Variants in TFDP1 observed in about 807,000 individuals in gnomAD.
TFDP1 encodes transcription factor Dp-1.
A neutral mutation model predicts 48.0 loss-of-function variants in TFDP1; 6 were observed. The observed-to-expected ratio is 0.13, with a 90% confidence interval of 0.07 to 0.25. The LOEUF (loss-of-function observed/expected upper bound fraction) is 0.25. Among genes scored for constraint, TFDP1 ranks in the 10% least tolerant of loss-of-function variants. The pLI is 1.00. For missense variants in TFDP1, 335 were observed against 543.0 expected, an observed-to-expected ratio of 0.62 and a Z score of 3.81; for synonymous variants, 201 against 211.6, an observed-to-expected ratio of 0.95 and a Z score of 0.44.
intron 2 of TFDP1, among the ~76,000 whole-genome samples, chr13:113,599,562 TG>T (rs2048360857): frequency 6.6e-6 from 1 of 152,258 alleles, no homozygotes; most frequent in African/African-American, 2.4e-5. Flanking sequence ...TGTTGGGTGT[TG>T]GGGCCTTTGG....
At chr13:113,616,560 G>T (rs557541863) in intron 3 of TFDP1, among the ~76,000 whole-genome samples, 1 of 152,250 alleles carries the variant, frequency 6.6e-6, no homozygotes, top group Admixed American at 6.5e-5. Context: ...TATCCTCTTA[G>T]CCCAGAATGA....
chr13:113,616,483 G>A (rs554951165), intron 3 of TFDP1, among the ~76,000 whole-genome samples: 133 of 152,290 alleles, frequency 8.7e-4, no homozygotes, highest in African/African-American at 3.1e-3. Flanking sequence ...CGTCTGCGGC[G>A]CCAGGCCGGG....
Position 113,613,694 on chromosome 13 carries a change from TATGC to T in TFDP1, c.79+2633_79+2636del, listed in dbSNP as rs1486344695. Among the ~76,000 whole-genome samples the T allele has an allele frequency of 2.2e-3, 325 of 148,976 alleles. 1 individual carries two copies. The highest frequency in any genetic ancestry group is 7.7e-3 in the African/African-American group (309 of 39,932). On this transcript the variant is annotated intron_variant, in intron 3 of 11. Transcript: ENST00000375370. ...GTGTGTGTGCATGAGTGTGTGTGTGTATGCGTGAATGCGTGGGTATGTGAGGAGT... is the reference window on the plus strand; with the variant it reads ...GTGTGTGTGCATGAGTGTGTGTGTGTGTGAATGCGTGGGTATGTGAGGAGT...
intron 11 of TFDP1, 48 bp from the exon 12 acceptor site, chr13:113,640,072 T>G: frequency 7.1e-7 from 1 of 1,417,252 alleles, no homozygotes; most frequent in Non-Finnish European, 9.7e-7. Flanking sequence ...GGGGGGAGGC[T>G]GGGTGGGCCG....
At chr13:113,589,764 G>A (rs1333490269) in intron 2 of TFDP1, among the ~76,000 whole-genome samples, 1 of 152,234 alleles carries the variant, frequency 6.6e-6, no homozygotes, top group Admixed American at 6.5e-5. Flanking sequence ...AGGGGCTCAA[G>A]TTGTTCTAGA....
chr13:113,585,560 C>A, intron 1 of TFDP1: 1 of 345,402 alleles, frequency 2.9e-6, no homozygotes, highest in Non-Finnish European at 5.4e-6. Context: ...CCTGCGGGCC[C>A]GCGGGCCACT....
chr13:113,589,137 G>A (rs1260372857), intron 2 of TFDP1, among the ~76,000 whole-genome samples: 3 of 152,184 alleles, frequency 2.0e-5, no homozygotes, highest in East Asian at 1.9e-4. Context: ...GGGCCCAGCT[G>A]GAGAAATGGT....
chr13:113,621,338 C>T (rs954480763), intron 3 of TFDP1, among the ~76,000 whole-genome samples: 2 of 152,228 alleles, frequency 1.3e-5, no homozygotes, highest in Non-Finnish European at 1.5e-5. Context: ...GGGGGCTATC[C>T]GCTCAGCTCC....
At chr13:113,616,369 G>C (rs921309297) in intron 3 of TFDP1, among the ~76,000 whole-genome samples, 35 of 152,218 alleles carry the variant, frequency 2.3e-4, no homozygotes, top group East Asian at 2.1e-3. Flanking sequence ...GCTACCTTTT[G>C]TTATTTGCTG....
chr13:113,624,544 ATC>A (rs2049076142), intron 4 of TFDP1, among the ~76,000 whole-genome samples: 6 of 118,754 alleles, frequency 5.1e-5, no homozygotes, highest in Admixed American at 3.4e-4. Context: ...CTCTCAGGGT[ATC>A]TCTCACGTGT....
In TFDP1 at chr13:113,601,405, G is replaced by A. The variant is rs1212703863; in HGVS notation, c.13-9591G>A. Reference sequence around the variant, plus strand: ...GGGGTGTGTTCTTGCACTTTGCCTTGTGGGCCCCTGCGTAGGGCAGCTCGC... The same window carrying A: ...GGGGTGTGTTCTTGCACTTTGCCTTATGGGCCCCTGCGTAGGGCAGCTCGC... On this transcript the variant is annotated intron_variant, in intron 2 of 11. Transcript: ENST00000375370. Among the ~76,000 whole-genome samples, 5 of 152,356 alleles carry A rather than the reference G, an allele frequency of 3.3e-5. No individual in the cohort carries two copies. The East Asian group carries it at 9.7e-4, about 29-fold the overall frequency.
intron 9 of TFDP1, among the ~76,000 whole-genome samples, 153 bp downstream of exon 9, chr13:113,636,281 C>A (rs369856148): frequency 1.3e-5 from 2 of 152,226 alleles, no homozygotes; most frequent in African/African-American, 4.8e-5. Flanking sequence ...GGGAGGCTGC[C>A]GCCATGTGGC....
At chr13:113,622,892 C>G (rs919437550) in intron 3 of TFDP1, among the ~76,000 whole-genome samples, 2 of 152,250 alleles carry the variant, frequency 1.3e-5, no homozygotes, top group Non-Finnish European at 2.9e-5. Flanking sequence ...GGCCGTGGTC[C>G]CCACCAGCAC....
chr13:113,599,182 A>G (rs1301337023), intron 2 of TFDP1, among the ~76,000 whole-genome samples: 1 of 151,268 alleles, frequency 6.6e-6, no homozygotes, highest in Non-Finnish European at 1.5e-5. Flanking sequence ...TTTTTTTTTC[A>G]CATCAATAAA....
chr13:113,612,766 A>G (rs1331379334), intron 3 of TFDP1, among the ~76,000 whole-genome samples: 1 of 152,206 alleles, frequency 6.6e-6, no homozygotes, highest in Non-Finnish European at 1.5e-5. Context: ...AGTTTAATTG[A>G]GCTGAAGAGT....
chr13:113,592,173 G>A (rs1405118487), intron 2 of TFDP1, among the ~76,000 whole-genome samples: 3 of 152,070 alleles, frequency 2.0e-5, no homozygotes, highest in Non-Finnish European at 4.4e-5. Context: ...TGTTTGTTTC[G>A]AGACGGAGTT....
chr13:113,601,193 G>T (rs1467474433), intron 2 of TFDP1, among the ~76,000 whole-genome samples: 1 of 152,170 alleles, frequency 6.6e-6, no homozygotes, highest in Non-Finnish European at 1.5e-5. Context: ...AGCGTCTCCT[G>T]CCTGGACTTA....
At chr13:113,590,235 G>C (rs930771804) in intron 2 of TFDP1, among the ~76,000 whole-genome samples, 1 of 152,196 alleles carries the variant, frequency 6.6e-6, no homozygotes, top group Non-Finnish European at 1.5e-5. Flanking sequence ...TGTGGTGCCT[G>C]TTTGTGTCCT....
chr13:113,608,635 C>T (rs1423636250), intron 2 of TFDP1, among the ~76,000 whole-genome samples: 1 of 152,232 alleles, frequency 6.6e-6, no homozygotes, highest in African/African-American at 2.4e-5. Context: ...CTGTAACTTC[C>T]TGGCCTTACC....
Sources: allele counts gnomAD v4.1 joint callset (sites outside exome capture counted in the v4.1 genomes callset), GRCh38; gene constraint gnomAD v4.1.1; transcripts MANE v1.5; gene names NCBI Gene and HGNC (gene_info 2026-07-23, HGNC 2026-07-21).